Variants in MTBP observed in about 807,000 individuals in gnomAD.
The protein encoded by MTBP is mdm2-binding protein.
In MTBP, 101 loss-of-function variants were observed where a neutral mutation model predicts 117.0. The observed-to-expected ratio is 0.86, with a 90% CI of 0.73 to 1.02. MTBP has a LOEUF of 1.02. MTBP is among the 50% of genes least tolerant of loss of function. MTBP has a pLI of 0.00. For missense variants in MTBP, 970 were observed against 1,030.9 expected, an observed-to-expected ratio of 0.94 and a Z score of 0.81; for synonymous variants, 350 against 351.5, an observed-to-expected ratio of 1.00 and a Z score of 0.05.
intron 15 of MTBP, among the ~76,000 whole-genome samples, chr8:120,503,200 G>A (rs1814619718): frequency 6.6e-6 from 1 of 152,094 alleles, no homozygotes; most frequent in Non-Finnish European, 1.5e-5. Flanking sequence ...TCCATGGGTA[G>A]TATTTTATTA....
In MTBP at chr8:120,506,064, C is replaced by A. The variant is rs375089694; in HGVS notation, c.1728-642C>A. ...GTTATTATTTCATTTTGAGATAAGACCTATTCCATCTTTTTCAAGGAAACT... is the reference window on the plus strand; with the variant it reads ...GTTATTATTTCATTTTGAGATAAGAACTATTCCATCTTTTTCAAGGAAACT... On this transcript the variant is annotated intron_variant, in intron 15 of 21. Coordinates refer to ENST00000305949, the MANE Select transcript of MTBP (RefSeq NM_022045.5). 1.4e-3 allele frequency among the ~76,000 whole-genome samples: 214 copies of A among 152,172 alleles called. 3 individuals are homozygous for A. The highest frequency in any genetic ancestry group is 4.9e-3 in the African/African-American group (202 of 41,530).
Position 120,453,684 on chromosome 8 carries a change from A to G in MTBP, c.426-163A>G, listed in dbSNP as rs191131411. ...TATTTACAGTTGAGATAATAGTATTATAGTAGTACCTCCTGGAATTGTCAT... is the reference window on the plus strand; with the variant it reads ...TATTTACAGTTGAGATAATAGTATTGTAGTAGTACCTCCTGGAATTGTCAT... On this transcript the variant is annotated intron_variant, in intron 4 of 21. Coordinates refer to ENST00000305949, the MANE Select transcript of MTBP (RefSeq NM_022045.5). Among the ~76,000 whole-genome samples the G allele has an allele frequency of 2.9e-3, 443 of 152,212 alleles. 2 individuals are homozygous for G. The highest frequency in any genetic ancestry group is 0.01 in the African/African-American group (425 of 41,528).
chr8:120,459,334 GA>G lies in MTBP; in HGVS notation c.869del (p.Asn290IlefsTer14), dbSNP rs1292053406. The G allele has an allele frequency of 6.2e-7, 1 of 1,605,496 alleles. No individual in the cohort carries two copies. Among genetic ancestry groups the G allele is most frequent in the Admixed American group, 1.7e-5 (1 of 58,494 alleles). On this transcript the variant is annotated frameshift_variant, in exon 8 of 22. Coordinates refer to ENST00000305949, the MANE Select transcript of MTBP (RefSeq NM_022045.5). LOFTEE classifies it high-confidence loss of function. ...AAAAGATCATACCATCAAAGGATAA[GA>G]ATATTTTGCCAAAGGTAATCGTGTT... The part of the protein sequence containing the change: ...AKKIIPSKDK[N>X]ILPKVFHYYG...
intron 17 of MTBP, among the ~76,000 whole-genome samples, chr8:120,515,636 G>A (rs1228488089): frequency 1.3e-5 from 2 of 152,018 alleles, no homozygotes; most frequent in African/African-American, 4.8e-5. Context: ...AACAGCAACT[G>A]TATTATTTTG....
chr8:120,515,087 A>T (rs1223042399), intron 17 of MTBP, among the ~76,000 whole-genome samples: 1 of 152,094 alleles, frequency 6.6e-6, no homozygotes, highest in Non-Finnish European at 1.5e-5. Flanking sequence ...TGGATACAAA[A>T]ATCTGATTTT....
intron 9 of MTBP, among the ~76,000 whole-genome samples, chr8:120,463,249 A>G (rs1471292012): frequency 1.3e-5 from 2 of 152,182 alleles, no homozygotes; most frequent in Non-Finnish European, 2.9e-5. Flanking sequence ...GTATTTAAGT[A>G]AATATAAATG....
intron 11 of MTBP, among the ~76,000 whole-genome samples, chr8:120,481,449 T>A (rs1171195820): frequency 2.9e-5 from 1 of 34,762 alleles, no homozygotes; most frequent in Non-Finnish European, 1.4e-4. Context: ...GAAGAGATCA[T>A]TTTTTTTTGC....
rs541938435 is a variant in MTBP at position 120,489,259 on chromosome 8, G to A, written c.1339+927G>A. ...TCACCATGTTGGACAGGATGGTCTC[G>A]ATCTCTTGACCTCGTGATCTGCCTG... is the stretch of plus-strand genomic sequence containing the variant. On this transcript the variant is annotated intron_variant, in intron 12 of 21. Coordinates refer to ENST00000305949, the MANE Select transcript of MTBP (RefSeq NM_022045.5). 5.9e-5 allele frequency among the ~76,000 whole-genome samples: 9 copies of A among 152,040 alleles called. No homozygotes were observed. The South Asian group carries it at 1.0e-3, about 18-fold the overall frequency.
rs367672821 is a variant in MTBP, at chr8:120,504,758, A to G, written c.1728-1948A>G. Among the ~76,000 whole-genome samples the G allele has an allele frequency of 3.3e-4, 50 of 151,760 alleles. No homozygotes were observed. The East Asian group carries it at 9.3e-3, about 28-fold the overall frequency. On this transcript the variant is annotated intron_variant, in intron 15 of 21. Transcript: ENST00000305949. ...ATACCTATTTTAATTAATATTAAAC[A>G]TTCTGGATTGATGTTTTTTAATTTG...
At chr8:120,485,647 TGC>T (rs1413131544) in intron 11 of MTBP, among the ~76,000 whole-genome samples, 2 of 152,236 alleles carry the variant, frequency 1.3e-5, no homozygotes, top group African/African-American at 4.8e-5. Context: ...TTCTGTCACT[TGC>T]TTTTCCCCTT....
intron 13 of MTBP, among the ~76,000 whole-genome samples, chr8:120,491,112 T>G (rs1403051887): frequency 6.6e-6 from 1 of 152,132 alleles, no homozygotes; most frequent in Non-Finnish European, 1.5e-5. Flanking sequence ...TTACAGTTAA[T>G]TTGGCTATCA....
intron 10 of MTBP, among the ~76,000 whole-genome samples, chr8:120,465,432 T>C (rs1265943882): frequency 6.6e-6 from 1 of 152,128 alleles, no homozygotes; most frequent in Non-Finnish European, 1.5e-5. Flanking sequence ...AAAAACCAAA[T>C]TGAAATGTAT....
chr8:120,493,486 A>G (rs190390010), intron 13 of MTBP, among the ~76,000 whole-genome samples: 16 of 142,174 alleles, frequency 1.1e-4, no homozygotes, highest in African/African-American at 4.3e-4. Flanking sequence ...GTGGGGGTGT[A>G]TATATATAAT....
intron 7 of MTBP, among the ~76,000 whole-genome samples, chr8:120,457,381 G>GT (rs1426835939): frequency 6.6e-6 from 1 of 152,094 alleles, no homozygotes; most frequent in East Asian, 1.9e-4. Context: ...GTTTCTTAAT[G>GT]TTTATTTAGG....
intron 8 of MTBP, among the ~76,000 whole-genome samples, 162 bp from the exon 9 acceptor site, chr8:120,460,999 G>A (rs1325418768): frequency 6.6e-6 from 1 of 152,158 alleles, no homozygotes; most frequent in African/African-American, 2.4e-5. Context: ...AATTGAAATT[G>A]AAGAAATTCT....
intron 15 of MTBP, among the ~76,000 whole-genome samples, chr8:120,503,584 T>A (rs1814628100): frequency 6.6e-6 from 1 of 152,132 alleles, no homozygotes; most frequent in Admixed American, 6.5e-5. Context: ...AAATAGGTCC[T>A]CATACACAGT....
intron 13 of MTBP, among the ~76,000 whole-genome samples, chr8:120,492,635 C>T (rs1814369403): frequency 6.6e-6 from 1 of 152,074 alleles, no homozygotes; most frequent in Non-Finnish European, 1.5e-5. Flanking sequence ...TCCACTATTT[C>T]TCTAATACTA....
chr8:120,511,207 T>A (rs1022448203), intron 17 of MTBP, among the ~76,000 whole-genome samples: 2 of 152,230 alleles, frequency 1.3e-5, no homozygotes, highest in Non-Finnish European at 2.9e-5. Flanking sequence ...AAGGTAGGGA[T>A]GTTTCCCAAA....
At chr8:120,513,056 CTGTTGGCT>C (rs2130616567) in intron 17 of MTBP, among the ~76,000 whole-genome samples, 1 of 151,966 alleles carries the variant, frequency 6.6e-6, no homozygotes, top group African/African-American at 2.4e-5. Context: ...ATATTAACCA[CTGTTGGCT>C]TGTTTGTTTT....
Sources: gnomAD v4.1 joint callset for allele counts (sites outside exome capture counted in the v4.1 genomes callset) on GRCh38, gnomAD v4.1.1 for gene constraint, MANE v1.5 for transcripts, NCBI Gene and HGNC (gene_info 2026-07-23, HGNC 2026-07-21) for gene names.